The following ASPH variants were observed in gnomAD, a reference collection of about 807,000 sequenced individuals.
ASPH encodes aspartate beta-hydroxylase.
Under a neutral mutation model 118.4 loss-of-function variants are expected in ASPH, and 100 were observed. That is an observed-to-expected ratio of 0.84 (90% CI 0.72 to 1.00). The LOEUF is 1.00. Ranked by LOEUF, ASPH falls within the 50% of genes least tolerant of loss-of-function variation. ASPH has a pLI of 0.00. For missense variants in ASPH, 920 were observed against 919.5 expected, an observed-to-expected ratio of 1.00 and a Z score of -0.01; for synonymous variants, 315 against 325.6, an observed-to-expected ratio of 0.97 and a Z score of 0.35.
rs760973109 is a variant in ASPH, at chr8:61,518,089, A to G, written c.1935T>C (p.Pro645=). The G allele has an allele frequency of 1.7e-5, 27 of 1,613,968 alleles. No individual in the cohort carries two copies. The African/African-American group carries it at 2.5e-4, about 15-fold the overall frequency. Residue 645 remains proline (P), a synonymous_variant, in exon 23 of 25, where the codon CCT becomes CCC. Coordinates refer to ENST00000379454, the MANE Select transcript of ASPH (RefSeq NM_004318.4). The stretch of plus-strand genomic sequence containing the variant: ...ACTTTTCTAGTAAGGTACAGGTTTT[A>G]GGAGCTCCTTTGCAGGCATTTTCAT... ...RRNENACKGA[P]KTCTLLEKFP...
chr8:61,672,864 C>T (rs549472758), intron 3 of ASPH, among the ~76,000 whole-genome samples: 3 of 152,244 alleles, frequency 2.0e-5, no homozygotes, highest in African/African-American at 7.2e-5. Context: ...GATTCCACAG[C>T]CAAATCACAG....
At chr8:61,626,294 G>T in intron 13 of ASPH, 2 of 1,558,926 alleles carry the variant, frequency 1.3e-6, no homozygotes, top group African/African-American at 1.4e-5. Flanking sequence ...CAAAAATAAG[G>T]GGAAATCTAA....
intron 1 of ASPH, among the ~76,000 whole-genome samples, chr8:61,704,590 T>G (rs1836121814): frequency 6.6e-6 from 1 of 152,080 alleles, no homozygotes; most frequent in Non-Finnish European, 1.5e-5. Context: ...GTGCTATATA[T>G]ATCTGAAAAG....
chr8:61,553,073 A>G lies in ASPH; in HGVS notation c.1584T>C (p.Tyr528=). The change falls in exon 20 of 25, where the codon TAT becomes TAC. Residue 528 remains tyrosine (Y), a synonymous_variant. Coordinates refer to ENST00000379454, the MANE Select transcript of ASPH (RefSeq NM_004318.4). ...TCTGCATGGCATCCCCCAGGTGGAA[A>G]TAAAATCTCCCATCATCAGTGCCAG... is the stretch of plus-strand genomic sequence containing the variant. ...GDPGTDDGRF[Y]FHLGDAMQRV... 1 of 1,613,754 alleles carries G rather than the reference A, an allele frequency of 6.2e-7. No individual in the cohort carries two copies. Among genetic ancestry groups the G allele is most frequent in the Middle Eastern group, 1.7e-4 (1 of 6,058 alleles).
intron 14 of ASPH, among the ~76,000 whole-genome samples, chr8:61,587,267 A>G (rs1481381754): frequency 6.6e-6 from 1 of 152,218 alleles, no homozygotes; most frequent in Non-Finnish European, 1.5e-5. Flanking sequence ...GCATGCCATT[A>G]TATGTTACCA....
At chr8:61,679,412 G>A (rs1032882887) in intron 3 of ASPH, among the ~76,000 whole-genome samples, 10 of 152,004 alleles carry the variant, frequency 6.6e-5, no homozygotes, top group African/African-American at 2.4e-4. Context: ...AAAACTTAAA[G>A]GGGATGACCT....
Position 61,562,885 on chromosome 8 carries a change from G to A in ASPH, c.1301-5C>T, listed in dbSNP as rs369496560. ...GCAGGGAACCTCTCATATGACCTGA[G>A]TAGGTGGGAATTTAAAAAAAATAGA... On this transcript the variant is annotated splice_polypyrimidine_tract_variant and splice_region_variant and intron_variant, in intron 17 of 24. Transcript: ENST00000379454. 1.9e-6 allele frequency: 3 copies of A among 1,570,768 alleles called. No homozygotes were observed. Among genetic ancestry groups the A allele is most frequent in the African/African-American group, 2.8e-5 (2 of 72,312 alleles).
intron 14 of ASPH, among the ~76,000 whole-genome samples, chr8:61,589,901 T>C (rs944989954): frequency 1.3e-5 from 2 of 152,274 alleles, no homozygotes; most frequent in Admixed American, 6.5e-5. Context: ...CTAATCTATT[T>C]GGGAGGGGAG....
At position 61,676,060 on chromosome 8, in the gene ASPH, G is replaced by C. The variant is rs1825159826; in HGVS notation, c.322+4908C>G. On this transcript the variant is annotated intron_variant, in intron 3 of 24. Transcript: ENST00000379454. Reference sequence around the variant, plus strand: ...AGGTGTTCATTAGCCAATGACTTCAGTCCCTGAATCAAGGTTACTGGTTAT... The same window carrying C: ...AGGTGTTCATTAGCCAATGACTTCACTCCCTGAATCAAGGTTACTGGTTAT... 4 of 1,598,742 alleles carry C rather than the reference G, an allele frequency of 2.5e-6. No individual in the cohort carries two copies. In the South Asian group the frequency reaches 4.4e-5, roughly 18 times the overall value.
chr8:61,684,787 A>G (rs1023136859), intron 1 of ASPH: 1 of 152,290 alleles, frequency 6.6e-6, no homozygotes, highest in African/African-American at 2.4e-5. Context: ...GTCCACCTAA[A>G]GTGTCATTTA....
chr8:61,622,933 T>G (rs1851502061), intron 13 of ASPH, among the ~76,000 whole-genome samples: 2 of 152,318 alleles, frequency 1.3e-5, no homozygotes, highest in South Asian at 4.1e-4. Context: ...ATGCTGGGGC[T>G]AAAAACAACC....
At chr8:61,606,528 TA>T (rs1845616534) in intron 14 of ASPH, 1 of 152,220 alleles carries the variant, frequency 6.6e-6, no homozygotes, top group African/African-American at 2.4e-5. Context: ...GTTGATATTT[TA>T]ATTGTGGTAG....
At position 61,698,301 on chromosome 8, in the gene ASPH, A is replaced by C. The variant is rs184930448; in HGVS notation, c.104-14113T>G. 2.6e-5 allele frequency among the ~76,000 whole-genome samples: 4 copies of C among 152,360 alleles called. No individual in the cohort carries two copies. The East Asian group carries it at 7.7e-4, about 29-fold the overall frequency. ...TAGTTTGAACAGTTGTACCCCTGTG[A>C]CTGACTAAAATTCTGTGACTGATAC... On this transcript the variant is annotated intron_variant, in intron 1 of 24. Coordinates refer to ENST00000379454, the MANE Select transcript of ASPH (RefSeq NM_004318.4).
At chr8:61,560,063 C>T (rs1291088664) in intron 18 of ASPH, among the ~76,000 whole-genome samples, 2 of 152,178 alleles carry the variant, frequency 1.3e-5, no homozygotes, top group Non-Finnish European at 2.9e-5. Flanking sequence ...AACACAAATT[C>T]GTGATTTGGT....
intron 5 of ASPH, among the ~76,000 whole-genome samples, chr8:61,648,409 TCTC>T (rs1349206962): frequency 2.6e-5 from 4 of 152,190 alleles, no homozygotes; most frequent in Admixed American, 2.6e-4. Context: ...TTTTCTATCT[TCTC>T]CTCATAGCTT....
At chr8:61,566,262 G>C (rs1831639498) in intron 17 of ASPH, among the ~76,000 whole-genome samples, 1 of 152,064 alleles carries the variant, frequency 6.6e-6, no homozygotes, top group South Asian at 2.1e-4. Flanking sequence ...AGGGGTTCAA[G>C]ACTTCAGTGG....
In ASPH at chr8:61,616,824, C is replaced by T. The variant is rs557673610; in HGVS notation, c.976+2154G>A. Among the ~76,000 whole-genome samples the T allele has an allele frequency of 3.3e-5, 5 of 152,318 alleles. No homozygotes were observed. The South Asian group carries it at 1.0e-3, about 32-fold the overall frequency. On this transcript the variant is annotated intron_variant, in intron 14 of 24. Coordinates refer to ENST00000379454, the MANE Select transcript of ASPH (RefSeq NM_004318.4). ...CTTTGTTTCCTCAGAACTCTTACCA[C>T]AATTTCAGTCTGTGTGTGTACTGCT... is the stretch of plus-strand genomic sequence containing the variant.
intron 14 of ASPH, among the ~76,000 whole-genome samples, chr8:61,601,233 A>C (rs1843874100): frequency 6.6e-6 from 1 of 151,182 alleles, no homozygotes; most frequent in African/African-American, 2.5e-5. Context: ...CAGTGGTATG[A>C]AGCAACTTGA....
intron 14 of ASPH, among the ~76,000 whole-genome samples, chr8:61,595,123 CAA>C (rs1219502777): frequency 6.6e-6 from 1 of 152,110 alleles, no homozygotes; most frequent in East Asian, 1.9e-4. Flanking sequence ...AGAGAAACCC[CAA>C]GAGTGTCTTT....
Sources: allele counts gnomAD v4.1 joint callset (sites outside exome capture counted in the v4.1 genomes callset), GRCh38; gene constraint gnomAD v4.1.1; transcripts MANE v1.5; gene names NCBI Gene and HGNC (gene_info 2026-07-23, HGNC 2026-07-21).